Variants in DLG2 observed in about 807,000 individuals in gnomAD.
DLG2 encodes discs large MAGUK scaffold protein 2.
In DLG2, 45 loss-of-function variants were observed where a neutral mutation model predicts 132.5. That is an observed-to-expected ratio of 0.34 (90% confidence interval 0.27 to 0.44). The LOEUF (loss-of-function observed/expected upper bound fraction) is 0.44. DLG2 is among the 20% of genes least tolerant of loss of function. The pLI, the probability that DLG2 is intolerant of heterozygous loss-of-function variation, is 1.00. For missense variants in DLG2, 1,045 were observed against 1,196.9 expected (o/e 0.87, Z 1.87); for synonymous variants, 424 against 419.6 (o/e 1.01, Z -0.13).
At chr11:85,485,228 G>A in intron 3 of DLG2, among the ~76,000 whole-genome samples, 1 of 152,110 alleles carries the variant, frequency 6.6e-6, no homozygotes. Flanking sequence ...GGGAGGGATA[G>A]CATTGGGAGA....
intron 23 of DLG2, among the ~76,000 whole-genome samples, chr11:83,472,134 T>G (rs1019964850): frequency 6.6e-6 from 1 of 152,164 alleles, no homozygotes; most frequent in Admixed American, 6.6e-5. Flanking sequence ...TAACATCTTA[T>G]GTTTTCATGA....
At chr11:84,046,268 T>C (rs2096241374) in intron 11 of DLG2, among the ~76,000 whole-genome samples, 2 of 151,614 alleles carry the variant, frequency 1.3e-5, no homozygotes, top group African/African-American at 4.8e-5. Flanking sequence ...TGTGTGCTTT[T>C]TGCTATTAAA....
intron 3 of DLG2, among the ~76,000 whole-genome samples, chr11:85,582,208 A>C (rs935166410): frequency 6.6e-6 from 1 of 152,186 alleles, no homozygotes; most frequent in South Asian, 2.1e-4. Context: ...TACGGTAGCT[A>C]ACAGGCATGA....
chr11:84,040,245 T>C (rs1257695192), intron 11 of DLG2, among the ~76,000 whole-genome samples: 2 of 151,946 alleles, frequency 1.3e-5, no homozygotes, highest in African/African-American at 2.4e-5. Context: ...TTTGTCAATT[T>C]TGGCTTTTGT....
chr11:84,893,045 C>T (rs114656097), intron 6 of DLG2, among the ~76,000 whole-genome samples: 1 of 152,116 alleles, frequency 6.6e-6, no homozygotes, highest in Non-Finnish European at 1.5e-5. Context: ...ACCGAGTAGA[C>T]ATTAAACAAT....
intron 17 of DLG2, among the ~76,000 whole-genome samples, chr11:83,832,626 G>A (rs1264565731): frequency 2.6e-5 from 4 of 152,108 alleles, no homozygotes; most frequent in Non-Finnish European, 5.9e-5. Flanking sequence ...AAGGAAAAGG[G>A]AAATGATTGA....
At chr11:85,092,566 T>TGCC (rs2068956243) in intron 6 of DLG2, among the ~76,000 whole-genome samples, 1 of 151,814 alleles carries the variant, frequency 6.6e-6, no homozygotes, top group Admixed American at 6.6e-5. Flanking sequence ...CATGAACACT[T>TGCC]AGGGATACTA....
chr11:84,874,425 G>A (rs1480087250), intron 6 of DLG2, among the ~76,000 whole-genome samples: 1 of 152,206 alleles, frequency 6.6e-6, no homozygotes, highest in Non-Finnish European at 1.5e-5. Flanking sequence ...TGAGGCTGCA[G>A]TACAAGGAGA....
intron 6 of DLG2, among the ~76,000 whole-genome samples, chr11:85,072,515 G>A (rs2066001192): frequency 6.6e-6 from 1 of 151,804 alleles, no homozygotes; most frequent in South Asian, 2.1e-4. Context: ...CTTAAGTATT[G>A]ATGATAATGG....
chr11:84,619,751 T>C (rs1203966929), intron 6 of DLG2, among the ~76,000 whole-genome samples: 2 of 151,726 alleles, frequency 1.3e-5, no homozygotes, highest in African/African-American at 4.8e-5. Context: ...ATTAATGCTT[T>C]TTTTAAATGT....
intron 6 of DLG2, among the ~76,000 whole-genome samples, chr11:84,667,467 A>C (rs1163882883): frequency 7.1e-6 from 1 of 141,498 alleles, no homozygotes; most frequent in Non-Finnish European, 1.5e-5. Flanking sequence ...CATTGATTCA[A>C]GTTTTTTTTT....
chr11:84,450,928 A>G (rs1258587638), intron 7 of DLG2, among the ~76,000 whole-genome samples: 1 of 151,896 alleles, frequency 6.6e-6, no homozygotes, highest in African/African-American at 2.4e-5. Flanking sequence ...AAGAAATAAC[A>G]TAGGGAACAG....
At chr11:84,958,990 TCTGG>T (rs2052121463) in intron 6 of DLG2, among the ~76,000 whole-genome samples, 5 of 152,342 alleles carry the variant, frequency 3.3e-5, no homozygotes, top group Non-Finnish European at 5.9e-5. Flanking sequence ...ATATTTGGCA[TCTGG>T]GTCCTTTGGA....
At chr11:83,572,536 A>G (rs927493496) in intron 19 of DLG2, among the ~76,000 whole-genome samples, 1 of 152,190 alleles carries the variant, frequency 6.6e-6, no homozygotes. Context: ...TAGCAGACCT[A>G]TCTCCCCCTA....
chr11:83,803,796 G>A (rs578229886), intron 17 of DLG2, among the ~76,000 whole-genome samples: 2 of 152,210 alleles, frequency 1.3e-5, no homozygotes, highest in Non-Finnish European at 2.9e-5. Context: ...TGCCTCCAGA[G>A]ACATATCTGT....
At chr11:84,309,166 C>T (rs1180563961) in intron 7 of DLG2, among the ~76,000 whole-genome samples, 1 of 152,140 alleles carries the variant, frequency 6.6e-6, no homozygotes, top group African/African-American at 2.4e-5. Context: ...ACTCATGTAA[C>T]AAACCTGCAC....
At chr11:83,724,212 A>T (rs1181898037) in intron 18 of DLG2, among the ~76,000 whole-genome samples, 1 of 152,162 alleles carries the variant, frequency 6.6e-6, no homozygotes, top group Non-Finnish European at 1.5e-5. Context: ...TGGTTTCCCA[A>T]GGTTGCACAG....
At chr11:84,562,827 G>A (rs2099432082) in intron 6 of DLG2, among the ~76,000 whole-genome samples, 1 of 150,102 alleles carries the variant, frequency 6.7e-6, no homozygotes, top group Non-Finnish European at 1.5e-5. Context: ...ATGGCTCCCT[G>A]CTGCAGCCTC....
intron 15 of DLG2, among the ~76,000 whole-genome samples, chr11:83,918,133 A>G (rs2077230973): frequency 6.6e-6 from 1 of 152,054 alleles, no homozygotes; most frequent in African/African-American, 2.4e-5. Flanking sequence ...GGAAAGAGAG[A>G]GGGCTCCATG....
Sources: allele counts gnomAD v4.1 joint callset (sites outside exome capture counted in the v4.1 genomes callset), GRCh38; gene constraint gnomAD v4.1.1; transcripts MANE v1.5; gene names NCBI Gene and HGNC (gene_info 2026-07-23, HGNC 2026-07-21).